CDH23: variants seen among roughly 807,000 people sequenced by gnomAD.
CDH23 encodes cadherin related 23.
In CDH23, 189 loss-of-function variants were observed where a neutral mutation model predicts 317.1. That is an observed-to-expected ratio of 0.60 (90% CI 0.53 to 0.67). CDH23 has a LOEUF of 0.67. Ranked by LOEUF, CDH23 falls within the 30% of genes least tolerant of loss-of-function variation. The probability of loss-of-function intolerance (pLI) is 0.00; values close to 1 mark genes in which losing one functional copy is unlikely to be tolerated. For missense variants in CDH23, 4,401 were observed against 4,592.4 expected, an observed-to-expected ratio of 0.96 and a Z score of 1.20; for synonymous variants, 1,839 against 1,876.8, an observed-to-expected ratio of 0.98 and a Z score of 0.52.
intron 49 of CDH23, 88 bp from the exon 50 acceptor site, chr10:71,798,266 C>T (rs1395936330): frequency 2.1e-6 from 2 of 965,760 alleles, no homozygotes; most frequent in East Asian, 5.0e-5. Flanking sequence ...TGCTGCCATG[C>T]TCACCCGGCT....
chr10:71,700,764 TC>T (rs1865551178), intron 22 of CDH23, among the ~76,000 whole-genome samples: 1 of 152,084 alleles, frequency 6.6e-6, no homozygotes, highest in Non-Finnish European at 1.5e-5. Context: ...CATTCAGCCC[TC>T]CATCAGCCTC....
chr10:71,791,465 A>G (rs1266047679), intron 47 of CDH23, 130 bp downstream of exon 47: 1 of 738,568 alleles, frequency 1.4e-6, no homozygotes, highest in Non-Finnish European at 2.3e-6. Context: ...GTGAGTGTAG[A>G]ACACACTGGA....
At chr10:71,768,720 T>A (rs1840616176) in intron 38 of CDH23, among the ~76,000 whole-genome samples, 1 of 151,702 alleles carries the variant, frequency 6.6e-6, no homozygotes, top group Non-Finnish European at 1.5e-5. Context: ...CTTCAAGAGA[T>A]CCTCCCACCT....
chr10:71,789,369 T>A (rs544943937), intron 45 of CDH23, among the ~76,000 whole-genome samples: 4 of 152,192 alleles, frequency 2.6e-5, no homozygotes, highest in South Asian at 2.1e-4. Context: ...CCCTCACTGC[T>A]CCCTCCACCC....
chr10:71,595,714 C>T (rs967967180), intron 9 of CDH23, among the ~76,000 whole-genome samples: 5 of 152,196 alleles, frequency 3.3e-5, no homozygotes, highest in Admixed American at 1.3e-4. Flanking sequence ...GCCGAGACAA[C>T]GCTCTGCGGG....
At chr10:71,644,324 T>C (rs1487083219) in intron 12 of CDH23, among the ~76,000 whole-genome samples, 1 of 152,274 alleles carries the variant, frequency 6.6e-6, no homozygotes, top group Non-Finnish European at 1.5e-5. Flanking sequence ...GGCACAGGCC[T>C]GTCTCCAGGC....
At chr10:71,665,679 A>G (rs1297696994) in intron 14 of CDH23, among the ~76,000 whole-genome samples, 1 of 152,200 alleles carries the variant, frequency 6.6e-6, no homozygotes, top group African/African-American at 2.4e-5. Context: ...AGGAGCAGGC[A>G]CTGCGGAGAA....
chr10:71,601,957 G>T (rs1860243864), intron 9 of CDH23, among the ~76,000 whole-genome samples: 1 of 112,008 alleles, frequency 8.9e-6, no homozygotes, highest in African/African-American at 3.3e-5. Flanking sequence ...TGGGTGGGCG[G>T]CGGAGGGGGG....
intron 6 of CDH23, among the ~76,000 whole-genome samples, chr10:71,518,740 T>G (rs1360003483): frequency 1.3e-5 from 2 of 152,160 alleles, no homozygotes; most frequent in Middle Eastern, 3.2e-3. Flanking sequence ...CAGGGAAGAT[T>G]CAACATTTTC....
In CDH23 at chr10:71,577,997, G is replaced by A; in HGVS notation, c.832+5G>A. 1 of 1,591,482 alleles carries A rather than the reference G, an allele frequency of 6.3e-7. No homozygotes were observed. The highest frequency in any genetic ancestry group is 8.6e-7 in the Non-Finnish European group (1 of 1,169,102). On this transcript the variant is annotated splice_donor_5th_base_variant and intron_variant, in intron 9 of 69. Coordinates refer to ENST00000224721, the MANE Select transcript of CDH23 (RefSeq NM_022124.6). Reference sequence around the variant, plus strand: ...TTGGCTACACCATCGTTTCAGGTAAGACAGAAGGCTGCCCCTCTCTCCTCT... The same window carrying A: ...TTGGCTACACCATCGTTTCAGGTAAAACAGAAGGCTGCCCCTCTCTCCTCT...
rs951319312 is a variant in CDH23, at chr10:71,543,211, A to G, written c.430-23531A>G. ...GTACAGGGAGTTGGGTGGGGACCCA[A>G]GTGTCTGATTTCTGGAGCAGGGCTT... On this transcript the variant is annotated intron_variant, in intron 6 of 69. Coordinates refer to ENST00000224721, the MANE Select transcript of CDH23 (RefSeq NM_022124.6). Among the ~76,000 whole-genome samples the G allele has an allele frequency of 1.3e-5, 2 of 152,194 alleles. 1 individual carries two copies. Among genetic ancestry groups the G allele is most frequent in the Admixed American group, 1.3e-4 (2 of 15,284 alleles).
intron 9 of CDH23, among the ~76,000 whole-genome samples, chr10:71,584,077 G>A (rs1858859037): frequency 6.6e-6 from 1 of 152,180 alleles, no homozygotes. Flanking sequence ...CTGCTGGTCT[G>A]GGGACCACAC....
chr10:71,607,652 C>T (rs978147150), intron 9 of CDH23, among the ~76,000 whole-genome samples: 1 of 152,174 alleles, frequency 6.6e-6, no homozygotes, highest in African/African-American at 2.4e-5. Context: ...CCTGTAATCC[C>T]AGCACTTTTG....
intron 11 of CDH23, among the ~76,000 whole-genome samples, chr10:71,635,505 A>T (rs1862224517): frequency 6.6e-6 from 1 of 152,218 alleles, no homozygotes; most frequent in African/African-American, 2.4e-5. Context: ...GAGCAGAGAT[A>T]AGCTGAAGGC....
At chr10:71,494,798 C>T (rs1228411788) in intron 3 of CDH23, among the ~76,000 whole-genome samples, 1 of 152,176 alleles carries the variant, frequency 6.6e-6, no homozygotes, top group African/African-American at 2.4e-5. Flanking sequence ...GGTCCTGCTA[C>T]CCCGGCACCC....
intron 14 of CDH23, among the ~76,000 whole-genome samples, chr10:71,661,660 G>C (rs924978951): frequency 6.6e-6 from 1 of 152,000 alleles, no homozygotes; most frequent in African/African-American, 2.4e-5. Flanking sequence ...CTAAATGTCA[G>C]GGGACTGGGA....
intron 6 of CDH23, among the ~76,000 whole-genome samples, chr10:71,525,182 C>T (rs1255503691): frequency 1.3e-5 from 2 of 152,264 alleles, no homozygotes; most frequent in African/African-American, 4.8e-5. Context: ...GCTGGGATTA[C>T]AGGCGTGAGC....
chr10:71,445,151 T>C (rs1434777477), intron 2 of CDH23, among the ~76,000 whole-genome samples: 3 of 152,222 alleles, frequency 2.0e-5, no homozygotes, highest in Non-Finnish European at 2.9e-5. Context: ...TCTGGCTTCC[T>C]GGATGGCCAC....
At chr10:71,680,293 C>T (rs1864562526) in intron 17 of CDH23, among the ~76,000 whole-genome samples, 1 of 152,228 alleles carries the variant, frequency 6.6e-6, no homozygotes, top group African/African-American at 2.4e-5. Flanking sequence ...TTTAAGGGCT[C>T]ATTTAACACC....
Sources: allele counts gnomAD v4.1 joint callset (sites outside exome capture counted in the v4.1 genomes callset), GRCh38; gene constraint gnomAD v4.1.1; transcripts MANE v1.5; gene names NCBI Gene and HGNC (gene_info 2026-07-23, HGNC 2026-07-21).